Variants in REC114 observed in about 807,000 individuals in gnomAD.
The protein encoded by REC114 is meiotic recombination protein REC114.
A neutral mutation model predicts 31.3 loss-of-function variants in REC114; 27 were observed. The ratio of observed to expected loss-of-function variants is 0.86; its 90% CI spans 0.64 to 1.19. The LOEUF (loss-of-function observed/expected upper bound fraction) is 1.19, where lower values mean the gene tolerates loss of function less well. Ranked by LOEUF, REC114 falls within the 50% of genes most tolerant of loss-of-function variation. The pLI is 0.00. For missense variants in REC114, 344 were observed against 326.9 expected (o/e 1.05, Z -0.40); for synonymous variants, 134 against 127.7 (o/e 1.05, Z -0.33).
intron 2 of REC114, among the ~76,000 whole-genome samples, chr15:73,477,486 A>C (rs1278731756): frequency 6.6e-6 from 1 of 152,102 alleles, no homozygotes; most frequent in Admixed American, 6.5e-5. Flanking sequence ...GTGTGATCAT[A>C]GCTCACTGCA....
intron 2 of REC114, among the ~76,000 whole-genome samples, chr15:73,481,575 C>T (rs1231989589): frequency 2.0e-5 from 3 of 150,740 alleles, no homozygotes; most frequent in Non-Finnish European, 4.4e-5. Flanking sequence ...CTCCCTTGGC[C>T]GTTTTGGGTT....
At chr15:73,550,764 G>A (rs1030167924) in intron 3 of REC114, among the ~76,000 whole-genome samples, 174 bp from the exon 4 acceptor site, 82 of 152,106 alleles carry the variant, frequency 5.4e-4, no homozygotes, top group Non-Finnish European at 1.8e-4. Flanking sequence ...ACTCCCAAAA[G>A]GGGGAAGAAA....
chr15:73,529,829 G>C (rs1894053123), intron 2 of REC114, among the ~76,000 whole-genome samples: 1 of 152,098 alleles, frequency 6.6e-6, no homozygotes, highest in South Asian at 2.1e-4. Context: ...CCAGCTCCTT[G>C]AGGGCAGGGA....
intron 1 of REC114, among the ~76,000 whole-genome samples, chr15:73,467,788 G>A (rs1178903676): frequency 6.6e-6 from 1 of 152,122 alleles, no homozygotes; most frequent in African/African-American, 2.4e-5. Context: ...TTAAAACAAC[G>A]CAAACATTAG....
chr15:73,521,967 A>G (rs1228230382), intron 2 of REC114, among the ~76,000 whole-genome samples: 1 of 152,206 alleles, frequency 6.6e-6, no homozygotes, highest in Non-Finnish European at 1.5e-5. Context: ...AATGAACAGT[A>G]CATTACAATG....
At chr15:73,459,233 CT>C (rs71442387) in intron 1 of REC114, among the ~76,000 whole-genome samples, 304 of 142,476 alleles carry the variant, frequency 2.1e-3, no homozygotes, top group Middle Eastern at 7.2e-3. Flanking sequence ...TTTCTTTTTT[CT>C]TTTTTTTTTT....
intron 1 of REC114, among the ~76,000 whole-genome samples, chr15:73,473,258 G>A (rs1198099207): frequency 3.3e-5 from 5 of 151,970 alleles, no homozygotes; most frequent in African/African-American, 1.2e-4. Context: ...GCATGGTGGC[G>A]CATGCCTGTA....
chr15:73,464,970 C>T (rs1893037696), intron 1 of REC114, among the ~76,000 whole-genome samples: 1 of 152,158 alleles, frequency 6.6e-6, no homozygotes, highest in Non-Finnish European at 1.5e-5. Flanking sequence ...CAGCTCACTG[C>T]AACCTCTGCC....
intron 3 of REC114, among the ~76,000 whole-genome samples, chr15:73,540,789 A>G (rs1331551444): frequency 6.6e-6 from 1 of 152,222 alleles, no homozygotes; most frequent in African/African-American, 2.4e-5. Flanking sequence ...TGGATTTCTC[A>G]GTATGCGTCT....
chr15:73,498,943 T>G (rs1010914880), intron 2 of REC114, among the ~76,000 whole-genome samples: 3 of 152,180 alleles, frequency 2.0e-5, no homozygotes, highest in Non-Finnish European at 4.4e-5. Flanking sequence ...ACAAATGCTT[T>G]GAATGAACTT....
At chr15:73,543,118 A>C (rs1224344496) in intron 3 of REC114, among the ~76,000 whole-genome samples, 1 of 152,118 alleles carries the variant, frequency 6.6e-6, no homozygotes, top group Non-Finnish European at 1.5e-5. Flanking sequence ...ATATTCCTTT[A>C]ATTTGCATTT....
At chr15:73,504,584 G>A (rs1489982620) in intron 2 of REC114, among the ~76,000 whole-genome samples, 1 of 151,996 alleles carries the variant, frequency 6.6e-6, no homozygotes, top group African/African-American at 2.4e-5. Flanking sequence ...GTTTCTTTAG[G>A]AGTAGTTATA....
At chr15:73,558,745 G>C (rs1390464322) in intron 5 of REC114, among the ~76,000 whole-genome samples, 2 of 152,204 alleles carry the variant, frequency 1.3e-5, no homozygotes, top group East Asian at 3.9e-4. Context: ...ATAGATGACA[G>C]TTTGGCAGTT....
At chr15:73,541,800 A>G (rs2141330762) in intron 3 of REC114, among the ~76,000 whole-genome samples, 1 of 152,266 alleles carries the variant, frequency 6.6e-6, no homozygotes, top group African/African-American at 2.4e-5. Context: ...TACATGCTGT[A>G]TGTTTGATAC....
chr15:73,519,665 A>G (rs1403081179), intron 2 of REC114, among the ~76,000 whole-genome samples: 1 of 152,260 alleles, frequency 6.6e-6, no homozygotes, highest in Admixed American at 6.5e-5. Context: ...TCTCAAAGAG[A>G]TATTCGTACA....
chr15:73,470,429 C>T (rs1388671059), intron 1 of REC114, among the ~76,000 whole-genome samples: 1 of 152,146 alleles, frequency 6.6e-6, no homozygotes, highest in Non-Finnish European at 1.5e-5. Context: ...ACATTTCTTT[C>T]AGTGCAGATC....
At chr15:73,510,707 GT>G (rs1893751608) in intron 2 of REC114, among the ~76,000 whole-genome samples, 4 of 147,086 alleles carry the variant, frequency 2.7e-5, no homozygotes, top group African/African-American at 7.6e-5. Flanking sequence ...TAATCATGTG[GT>G]TTTTGTCTTT....
chr15:73,517,805 C>T (rs935449471), intron 2 of REC114, among the ~76,000 whole-genome samples: 4 of 152,146 alleles, frequency 2.6e-5, no homozygotes, highest in African/African-American at 9.7e-5. Context: ...ATTTGGGACT[C>T]ACAGATATTT....
At chr15:73,458,309 C>T (rs1892944706) in intron 1 of REC114, among the ~76,000 whole-genome samples, 3 of 152,076 alleles carry the variant, frequency 2.0e-5, no homozygotes, top group Admixed American at 2.0e-4. Flanking sequence ...AATAGTTTGC[C>T]AAAGGGTAAC....
Sources: allele counts gnomAD v4.1 joint callset (sites outside exome capture counted in the v4.1 genomes callset), GRCh38; gene constraint gnomAD v4.1.1; transcripts MANE v1.5; gene names NCBI Gene and HGNC (gene_info 2026-07-23, HGNC 2026-07-21).